Variants in AP3B1 observed in about 807,000 individuals in gnomAD.
The protein encoded by AP3B1 is AP-3 complex subunit beta-1.
Under a neutral mutation model 132.5 loss-of-function variants are expected in AP3B1, and 61 were observed. The ratio of observed to expected loss-of-function variants is 0.46; its 90% confidence interval spans 0.37 to 0.57. The LOEUF (loss-of-function observed/expected upper bound fraction) is 0.57, where lower values mean the gene tolerates loss of function less well. Among genes scored for constraint, AP3B1 ranks in the 20% least tolerant of loss-of-function variants. The probability of loss-of-function intolerance (pLI) is 0.00; values close to 1 mark genes in which losing one functional copy is unlikely to be tolerated. For missense variants in AP3B1, 1,120 were observed against 1,289.4 expected, an observed-to-expected ratio of 0.87 and a Z score of 2.01; for synonymous variants, 388 against 438.3, an observed-to-expected ratio of 0.89 and a Z score of 1.43.
chr5:78,106,288 C>T (rs1207001255), intron 20 of AP3B1, among the ~76,000 whole-genome samples: 2 of 151,736 alleles, frequency 1.3e-5, no homozygotes, highest in African/African-American at 4.8e-5. Context: ...AGAAACCCCT[C>T]TCTATTAAAA....
chr5:78,165,805 A>ATGCCTGTAATCCC (rs1358295330), intron 11 of AP3B1, 133 bp from the exon 12 acceptor site: 1 of 732,012 alleles, frequency 1.4e-6, no homozygotes, highest in Non-Finnish European at 2.4e-6. Flanking sequence ...ACAGTGGCTC[A>ATGCCTGTAATCCC]TGCCTGTAAT....
chr5:78,044,263 C>A (rs1163376864), intron 22 of AP3B1: 2 of 152,610 alleles, frequency 1.3e-5, no homozygotes, highest in Non-Finnish European at 2.9e-5. Flanking sequence ...GATTTATACT[C>A]AGCAAAAGTT....
At chr5:78,247,645 T>C (rs1747434913) in intron 2 of AP3B1, among the ~76,000 whole-genome samples, 2 of 152,130 alleles carry the variant, frequency 1.3e-5, no homozygotes, top group African/African-American at 4.8e-5. Context: ...CTCTCTCTGA[T>C]ATAAATAGAT....
chr5:78,237,404 G>A (rs1296485736), intron 3 of AP3B1, among the ~76,000 whole-genome samples: 2 of 152,082 alleles, frequency 1.3e-5, no homozygotes, highest in African/African-American at 4.8e-5. Flanking sequence ...TGAGTCAGGA[G>A]GATCACTTGA....
intron 7 of AP3B1, among the ~76,000 whole-genome samples, chr5:78,189,455 T>A (rs1345984818): frequency 6.6e-6 from 1 of 152,198 alleles, no homozygotes; most frequent in Admixed American, 6.5e-5. Flanking sequence ...GATGGCATTT[T>A]TAATGACTAT....
chr5:78,176,705 T>C (rs1191735906), intron 9 of AP3B1, among the ~76,000 whole-genome samples: 1 of 152,170 alleles, frequency 6.6e-6, no homozygotes, highest in African/African-American at 2.4e-5. Flanking sequence ...ACTCAATAAA[T>C]TGTTTTGAAT....
At chr5:78,022,509 G>T (rs978866444) in intron 24 of AP3B1, among the ~76,000 whole-genome samples, 3 of 152,192 alleles carry the variant, frequency 2.0e-5, no homozygotes, top group African/African-American at 7.2e-5. Context: ...CCCAGGAATA[G>T]TCCCAGTTTA....
chr5:78,081,858 T>C (rs191201037), intron 22 of AP3B1, among the ~76,000 whole-genome samples: 1 of 152,110 alleles, frequency 6.6e-6, no homozygotes, highest in East Asian at 1.9e-4. Flanking sequence ...TCCCAAACAT[T>C]TTAGAGCAAA....
chr5:78,202,826 T>C (rs909290933), intron 7 of AP3B1, among the ~76,000 whole-genome samples: 2 of 152,124 alleles, frequency 1.3e-5, no homozygotes, highest in Admixed American at 6.5e-5. Flanking sequence ...AAAAGGAAAA[T>C]AATCATAAAC....
At chr5:78,167,982 C>T (rs1743719591) in intron 11 of AP3B1, among the ~76,000 whole-genome samples, 1 of 147,356 alleles carries the variant, frequency 6.8e-6, no homozygotes, top group East Asian at 2.0e-4. Flanking sequence ...ATGCATGTAA[C>T]CAAACACCAC....
intron 23 of AP3B1, among the ~76,000 whole-genome samples, chr5:78,036,405 A>G (rs1375911804): frequency 6.6e-6 from 1 of 152,148 alleles, no homozygotes; most frequent in Non-Finnish European, 1.5e-5. Flanking sequence ...AAGTGGCTGA[A>G]AAACACTGGC....
chr5:78,261,718 G>A (rs377252215), intron 2 of AP3B1, among the ~76,000 whole-genome samples: 59 of 151,414 alleles, frequency 3.9e-4, no homozygotes, highest in African/African-American at 1.4e-3. Context: ...TGCCCACCTC[G>A]GCCTCCCAAA....
chr5:78,162,628 A>G (rs1743432816), intron 13 of AP3B1, among the ~76,000 whole-genome samples, 191 bp downstream of exon 13: 1 of 152,084 alleles, frequency 6.6e-6, no homozygotes, highest in South Asian at 2.1e-4. Context: ...GGCCTATTTT[A>G]CTAAAAAAAA....
At chr5:78,111,672 A>G (rs1268001773) in intron 19 of AP3B1, among the ~76,000 whole-genome samples, 1 of 152,150 alleles carries the variant, frequency 6.6e-6, no homozygotes, top group African/African-American at 2.4e-5. Flanking sequence ...CCCTTCTCTC[A>G]GGGGATGACA....
At chr5:78,224,891 T>C (rs1416706251) in intron 6 of AP3B1, among the ~76,000 whole-genome samples, 1 of 152,040 alleles carries the variant, frequency 6.6e-6, no homozygotes, top group Non-Finnish European at 1.5e-5. Context: ...CTGTTTTCAA[T>C]AATGAATAGA....
intron 15 of AP3B1, among the ~76,000 whole-genome samples, chr5:78,134,830 A>T (rs761819512): frequency 6.6e-6 from 1 of 152,198 alleles, no homozygotes; most frequent in Non-Finnish European, 1.5e-5. Context: ...GGCGTGAGCC[A>T]CTGTGCCCAG....
At chr5:78,282,817 G>A in intron 1 of AP3B1, among the ~76,000 whole-genome samples, 1 of 150,098 alleles carries the variant, frequency 6.7e-6, no homozygotes. Context: ...TTCAAGACCA[G>A]CGTGGACAAC....
chr5:78,088,384 A>T (rs1561397301), intron 22 of AP3B1, among the ~76,000 whole-genome samples: 1 of 152,192 alleles, frequency 6.6e-6, no homozygotes, highest in Non-Finnish European at 1.5e-5. Flanking sequence ...TTGTAGCTTA[A>T]AACTTTTCAC....
chr5:78,233,234 T>C (rs1394708619), intron 3 of AP3B1, among the ~76,000 whole-genome samples: 1 of 133,836 alleles, frequency 7.5e-6, no homozygotes, highest in Non-Finnish European at 1.7e-5. Context: ...GTTTTTCTTT[T>C]TTCTTTTTTT....
Sources: gnomAD v4.1 joint callset for allele counts (sites outside exome capture counted in the v4.1 genomes callset) on GRCh38, gnomAD v4.1.1 for gene constraint, MANE v1.5 for transcripts, NCBI Gene and HGNC (gene_info 2026-07-23, HGNC 2026-07-21) for gene names.